The following CHD9 variants were observed in gnomAD, a reference collection of about 807,000 sequenced individuals.
CHD9 encodes the protein chromodomain helicase DNA binding protein 9, also known as ATP-dependent chromatin remodeler CHD9.
In CHD9, 77 loss-of-function variants were observed where a neutral mutation model predicts 316.1. That is an observed-to-expected ratio of 0.24 (90% CI 0.20 to 0.29). The LOEUF (loss-of-function observed/expected upper bound fraction) is 0.29, where lower values mean the gene tolerates loss of function less well. CHD9 is among the 10% of genes least tolerant of loss of function. The pLI, the probability that CHD9 is intolerant of heterozygous loss-of-function variation, is 1.00. For synonymous variants in CHD9, 1,129 were observed against 1,158.3 expected, an observed-to-expected ratio of 0.97 and a Z score of 0.51; for missense variants, 2,763 against 3,438.1, an observed-to-expected ratio of 0.80 and a Z score of 4.91.
intron 4 of CHD9, 102 bp downstream of exon 4, chr16:53,222,857 ACATTT>A: frequency 1.7e-6 from 1 of 599,726 alleles, no homozygotes; most frequent in South Asian, 2.3e-5. Flanking sequence ...AAGTAAAAAT[ACATTT>A]TGTAGTATGG....
rs375702798 is a variant in CHD9 at position 53,308,754 on chromosome 16, C to G, written c.7122C>G (p.Asp2374Glu). Residue 2374 changes from aspartate to glutamate, a missense_variant, in exon 34 of 39, where the codon GAC becomes GAG. Coordinates refer to ENST00000447540, the MANE Select transcript of CHD9 (RefSeq NM_001308319.2). ...AGAAAAGACCATTTGATGGTGAAGA[C>G]GGTGCTCTGGGGCAGCAGCAGTACC... ...LAQKRPFDGE[D>E]GALGQQQYLT... 6.2e-7 allele frequency: 1 copy of G among 1,613,062 alleles called. No individual in the cohort carries two copies. Among genetic ancestry groups the G allele is most frequent in the African/African-American group, 1.3e-5 (1 of 74,878 alleles).
intron 2 of CHD9, among the ~76,000 whole-genome samples, chr16:53,193,432 G>T (rs1321167514): frequency 1.3e-5 from 2 of 151,448 alleles, no homozygotes; most frequent in African/African-American, 4.9e-5. Flanking sequence ...GTGGGTGACA[G>T]AGTGAGACTC....
At position 53,157,246 on chromosome 16, in the gene CHD9, T is replaced by C; in HGVS notation, c.1157T>C (p.Leu386Ser). ...GTAGAAACTAATGGCTTTTCATCTT[T>C]AGAAGAGAATTTACTTCATCAAGTG... is the stretch of plus-strand genomic sequence containing the variant. ...DHVETNGFSSLEENLLHQVES... is the reference protein window; with the variant it reads ...DHVETNGFSSSEENLLHQVES... The change falls in exon 2 of 39, where the codon TTA (leucine) becomes TCA (serine). Residue 386 changes from leucine to serine, a missense_variant. Leu to Ser is a moderately radical substitution (Grantham distance 145). Around this residue, in one of 15 missense-constraint regions of CHD9, gnomAD observed 859 missense variants for 890.4 expected, o/e 0.96. Transcript: ENST00000447540. The C allele has an allele frequency of 2.5e-6, 4 of 1,600,582 alleles. No homozygotes were observed. Among genetic ancestry groups the C allele is most frequent in the Non-Finnish European group, 3.4e-6 (4 of 1,172,616 alleles).
At chr16:53,144,906 C>T (rs529277530) in intron 1 of CHD9, among the ~76,000 whole-genome samples, 150 of 150,300 alleles carry the variant, frequency 1.0e-3, no homozygotes, top group Non-Finnish European at 1.7e-3. Flanking sequence ...GTGGGTGGTT[C>T]ACTTGAGTAC....
At chr16:53,213,044 C>A (rs1480218070) in intron 3 of CHD9, among the ~76,000 whole-genome samples, 1 of 152,178 alleles carries the variant, frequency 6.6e-6, no homozygotes, top group Non-Finnish European at 1.5e-5. Flanking sequence ...TACCTCAGTT[C>A]TCTTTCCATT....
chr16:53,099,353 A>C (rs1177965101), intron 1 of CHD9: 1 of 152,244 alleles, frequency 6.6e-6, no homozygotes, highest in East Asian at 1.9e-4. Context: ...GTGCTGTACC[A>C]GGGTCTTTGG....
intron 10 of CHD9, 126 bp downstream of exon 10, chr16:53,231,910 T>A: frequency 1.1e-6 from 1 of 905,954 alleles, no homozygotes; most frequent in Non-Finnish European, 1.6e-6. Context: ...TATGTGAGTC[T>A]AGTTTTGGGA....
At chr16:53,171,857 C>G (rs200600132) in intron 2 of CHD9, among the ~76,000 whole-genome samples, 836 of 54,978 alleles carry the variant, frequency 0.015, 3 homozygotes, top group African/African-American at 0.062. Flanking sequence ...CACACACACA[C>G]ACAGACACAC....
chr16:53,318,406 A>G (rs905139608), intron 37 of CHD9, 66 bp downstream of exon 37: 3 of 1,285,272 alleles, frequency 2.3e-6, no homozygotes, highest in East Asian at 2.5e-5. Flanking sequence ...CCAGAACACT[A>G]TTTCATTATG....
chr16:53,284,817 G>A (rs114513011), intron 24 of CHD9, among the ~76,000 whole-genome samples: 2,592 of 152,254 alleles, frequency 0.017, 82 homozygotes, highest in African/African-American at 0.059. Flanking sequence ...CTGGGTTGGA[G>A]TGCAGCAACA....
intron 17 of CHD9, 53 bp from the exon 18 acceptor site, chr16:53,254,385 T>C (rs2050395680): frequency 2.9e-6 from 4 of 1,357,068 alleles, no homozygotes; most frequent in Non-Finnish European, 3.0e-6. Context: ...TATAGTTTAC[T>C]ATTAAATGCC....
Position 53,235,232 on chromosome 16 carries a change from C to G in CHD9, c.2559C>G (p.Asp853Glu). Residue 853 changes from aspartate (D) to glutamate (E), a missense_variant, in exon 11 of 39, where the codon GAC becomes GAG. Transcript: ENST00000447540. ...NIWKKIDQSR[D>E]YKNGNQLREY... is the part of the protein sequence containing the mutation. ...GGAAGAAAATAGATCAATCCAGGGACTATAAAAATGGCAATCAACTCAGGG... is the reference window on the plus strand; with the variant it reads ...GGAAGAAAATAGATCAATCCAGGGAGTATAAAAATGGCAATCAACTCAGGG... 6.4e-7 allele frequency: 1 copy of G among 1,551,076 alleles called. No individual in the cohort carries two copies. The highest frequency in any genetic ancestry group is 8.7e-7 in the Non-Finnish European group (1 of 1,144,966).
intron 2 of CHD9, among the ~76,000 whole-genome samples, chr16:53,181,232 A>G (rs1332846791): frequency 1.3e-5 from 2 of 152,042 alleles, no homozygotes; most frequent in African/African-American, 4.8e-5. Context: ...GCTGGTCTTG[A>G]ACTCCCGACC....
chr16:53,109,342 G>C (rs1185092208), intron 1 of CHD9, among the ~76,000 whole-genome samples: 1 of 152,158 alleles, frequency 6.6e-6, no homozygotes, highest in East Asian at 1.9e-4. Context: ...AGTCCAGCTA[G>C]TTTGTAGTTA....
At chr16:53,218,008 A>T (rs1355558643) in intron 3 of CHD9, among the ~76,000 whole-genome samples, 3 of 150,830 alleles carry the variant, frequency 2.0e-5, no homozygotes, top group East Asian at 3.9e-4. Context: ...TAATTTTAAA[A>T]TGCCACCCAA....
rs546128248 is a variant in CHD9, at chr16:53,292,719, GT to G, written c.5291-105del. 3.9e-4 allele frequency: 299 copies of G among 757,610 alleles called. 1 individual carries two copies. The highest frequency in any genetic ancestry group is 3.2e-3 in the African/African-American group (177 of 56,012). 46.9% of individuals were successfully genotyped at this position (757,610 alleles called of 1,614,324 possible). A position where few individuals can be genotyped will look rare whatever the true frequency, so the allele number is the denominator to read the frequency against. Reference sequence around the variant, plus strand: ...AAGAAGCTTTTAGGATGAGAAATATGTTTTTTTTTCCCCACATAGATTGAAT... The same window carrying G: ...AAGAAGCTTTTAGGATGAGAAATATGTTTTTTTTCCCCACATAGATTGAAT... On this transcript the variant is annotated intron_variant, in intron 28 of 38. Transcript: ENST00000447540.
At chr16:53,201,975 C>T (rs1307328965) in intron 2 of CHD9, among the ~76,000 whole-genome samples, 3 of 151,946 alleles carry the variant, frequency 2.0e-5, no homozygotes, top group Non-Finnish European at 4.4e-5. Flanking sequence ...CCTCCCACCT[C>T]AGCCTCCCAA....
In CHD9 at chr16:53,272,623, A is replaced by G. The variant is rs1162384467; in HGVS notation, c.4718-1003A>G. ...ACAGAAACAAAAATAGATGAATTAG[A>G]GCCTCATGAGTCAACCAGGATAAAT... On this transcript the variant is annotated intron_variant, in intron 22 of 38. Coordinates refer to ENST00000447540, the MANE Select transcript of CHD9 (RefSeq NM_001308319.2). Among the ~76,000 whole-genome samples, 10 of 152,206 alleles carry G rather than the reference A, an allele frequency of 6.6e-5. No homozygotes were observed. The East Asian group carries it at 1.9e-3, about 29-fold the overall frequency.
intron 1 of CHD9, among the ~76,000 whole-genome samples, chr16:53,152,545 C>A (rs922195197): frequency 6.6e-6 from 1 of 152,094 alleles, no homozygotes; most frequent in Non-Finnish European, 1.5e-5. Context: ...GGTGGTGGTG[C>A]AGGGCTGTGC....
Sources: gnomAD v4.1 joint callset for allele counts (sites outside exome capture counted in the v4.1 genomes callset) on GRCh38, gnomAD v4.1.1 for gene constraint, gnomAD v4.1.1 regional missense constraint, MANE v1.5 for transcripts, NCBI Gene and HGNC (gene_info 2026-07-23, HGNC 2026-07-21) for gene names.